Variants in SLC25A30 observed in about 807,000 individuals in gnomAD.
The protein encoded by SLC25A30 is kidney mitochondrial carrier protein 1.
Under a neutral mutation model 42.7 loss-of-function variants are expected in SLC25A30, and 29 were observed. The ratio of observed to expected loss-of-function variants is 0.68; its 90% CI spans 0.51 to 0.93. The LOEUF is 0.93. Ranked by LOEUF, SLC25A30 falls within the 40% of genes least tolerant of loss-of-function variation. The pLI is 0.00. For missense variants in SLC25A30, 300 were observed against 359.7 expected (o/e 0.83, Z 1.34); for synonymous variants, 124 against 131.0 (o/e 0.95, Z 0.37).
chr13:45,424,626 T>TATATAGAAATATATAGAAATATATAG, the SLC25A30 span, among the ~76,000 whole-genome samples: 49 of 58,444 alleles, frequency 8.4e-4, 1 homozygote, highest in Non-Finnish European at 1.0e-3. Flanking sequence ...TAAATATATA[T>TATATAGAAATATATAGAAATATATAG]AAATATGTAT....
intron 5 of SLC25A30, 48 bp from the exon 6 acceptor site, chr13:45,402,418 C>G (rs748284142): frequency 7.4e-5 from 106 of 1,441,844 alleles, no homozygotes; most frequent in Non-Finnish European, 9.9e-5. Context: ...TACCACAATC[C>G]CACCCACAAC....
intron 9 of SLC25A30, 129 bp downstream of exon 9, chr13:45,397,126 ACTT>A (rs1239006653): frequency 3.0e-6 from 2 of 676,262 alleles, no homozygotes; most frequent in African/African-American, 3.7e-5. Flanking sequence ...CTAAGTAGTG[ACTT>A]CTTAGCATCA....
At chr13:45,424,616 T>TAGAAATATATAGAAATATATAG in the SLC25A30 span, among the ~76,000 whole-genome samples, 1 of 55,750 alleles carries the variant, frequency 1.8e-5, no homozygotes, top group Non-Finnish European at 3.3e-5. Flanking sequence ...TAAATATATA[T>TAGAAATATATAGAAATATATAG]AAATATATAT....
chr13:45,396,959 ATCC>A, intron 9 of SLC25A30: 1 of 317,984 alleles, frequency 3.1e-6, no homozygotes, highest in Non-Finnish European at 5.8e-6. Context: ...TATAAAGCCA[ATCC>A]TCCTCTCTCT....
chr13:45,423,815 A>ATGTAAATATAT, the SLC25A30 span, among the ~76,000 whole-genome samples: 1 of 55,736 alleles, frequency 1.8e-5, no homozygotes, highest in Admixed American at 3.3e-4. Flanking sequence ...TATATATAAA[A>ATGTAAATATAT]ATATAAATAT....
the SLC25A30 span, among the ~76,000 whole-genome samples, chr13:45,423,683 T>TAAAAATATATAA: frequency 1.2e-4 from 2 of 16,170 alleles, no homozygotes; most frequent in African/African-American, 1.2e-3. Flanking sequence ...CATATTTATA[T>TAAAAATATATAA]AAATATATAT....
the SLC25A30 span, among the ~76,000 whole-genome samples, chr13:45,424,861 TA>T: frequency 1.6e-3 from 55 of 34,352 alleles, 15 homozygotes; most frequent in Non-Finnish European, 2.6e-3. Context: ...AATATATATA[TA>T]AAAATATATA....
chr13:45,409,103 T>C (rs756538416), intron 2 of SLC25A30, 29 bp from the exon 3 acceptor site: 1 of 1,549,916 alleles, frequency 6.5e-7, no homozygotes, highest in Non-Finnish European at 8.7e-7. Context: ...ATTCACTTAA[T>C]AAAAAGAAAT....
At chr13:45,404,794 G>A (rs1052926070) in intron 4 of SLC25A30, among the ~76,000 whole-genome samples, 4 of 152,014 alleles carry the variant, frequency 2.6e-5, no homozygotes, top group African/African-American at 9.7e-5. Flanking sequence ...CTCCAGCCTG[G>A]GCAACAGACC....
At chr13:45,405,215 G>A (rs895249385) in intron 4 of SLC25A30, among the ~76,000 whole-genome samples, 5 of 152,110 alleles carry the variant, frequency 3.3e-5, no homozygotes, top group African/African-American at 9.7e-5. Context: ...ACGCGCCACC[G>A]CACCCAGCCC....
chr13:45,399,506 G>A (rs929933077), intron 7 of SLC25A30, among the ~76,000 whole-genome samples: 20 of 152,050 alleles, frequency 1.3e-4, no homozygotes, highest in African/African-American at 4.8e-4. Flanking sequence ...ACCATGCCCA[G>A]CCCCAAAACT....
the SLC25A30 span, among the ~76,000 whole-genome samples, chr13:45,429,757 C>T: frequency 6.6e-6 from 1 of 151,904 alleles, no homozygotes; most frequent in South Asian, 2.1e-4. Context: ...ATCACTTGAG[C>T]CCAGGAAGTT....
At position 45,393,989 on chromosome 13, in the gene SLC25A30, A is replaced by C. The variant is rs997200782; in HGVS notation, c.*1985T>G. The C allele has an allele frequency of 1.0e-6, 1 of 984,804 alleles. No homozygotes were observed. The highest frequency in any genetic ancestry group is 1.7e-5 in the African/African-American group (1 of 57,362). 61.0% of individuals were successfully genotyped at this position (984,804 alleles called of 1,614,324 possible). On this transcript the variant is annotated 3_prime_UTR_variant, in exon 10 of 10. Coordinates refer to ENST00000519676, the MANE Select transcript of SLC25A30 (RefSeq NM_001010875.4). ...ATATTTGAAAAAGTAAAATTTTTCT[A>C]CATTAAAAAAAGAGCATTTCAAGAA...
the SLC25A30 span, among the ~76,000 whole-genome samples, chr13:45,428,442 C>T: frequency 3.3e-5 from 5 of 149,498 alleles, no homozygotes; most frequent in Middle Eastern, 3.5e-3. Context: ...CTCTTGACCT[C>T]GTGATCTGCC....
At chr13:45,424,546 T>A in the SLC25A30 span, among the ~76,000 whole-genome samples, 9 of 65,490 alleles carry the variant, frequency 1.4e-4, 1 homozygote, top group South Asian at 9.6e-4. Flanking sequence ...AATATATAAA[T>A]ATATAAATAT....
At chr13:45,432,524 A>G in the SLC25A30 span, among the ~76,000 whole-genome samples, 1 of 152,138 alleles carries the variant, frequency 6.6e-6, no homozygotes, top group African/African-American at 2.4e-5. Context: ...AGGCAAAACC[A>G]GTATCACTAA....
At chr13:45,422,040 A>G (rs544495023), upstream of SLC25A30, among the ~76,000 whole-genome samples, 37 of 152,314 alleles carry the variant, frequency 2.4e-4, no homozygotes, top group African/African-American at 8.9e-4. Context: ...CCTTAGGTGG[A>G]TGATGCCAAT....
chr13:45,399,477 G>A (rs185431649), intron 7 of SLC25A30, among the ~76,000 whole-genome samples: 1 of 152,218 alleles, frequency 6.6e-6, no homozygotes, highest in Admixed American at 6.5e-5. Context: ...CCAAAGTGCT[G>A]GGATTACAGG....
chr13:45,398,070 G>A, intron 8 of SLC25A30: 1 of 985,278 alleles, frequency 1.0e-6, no homozygotes, highest in Non-Finnish European at 1.2e-6. Context: ...AACACCTGAA[G>A]AATAAAATGT....
Sources: gnomAD v4.1 joint callset for allele counts (sites outside exome capture counted in the v4.1 genomes callset) on GRCh38, gnomAD v4.1.1 for gene constraint, MANE v1.5 for transcripts, NCBI Gene and HGNC (gene_info 2026-07-23, HGNC 2026-07-21) for gene names.